Variants in ADGRE1 observed in about 807,000 individuals in gnomAD.
ADGRE1 encodes the protein EGF-like module receptor 1.
Under a neutral mutation model 102.7 loss-of-function variants are expected in ADGRE1, and 82 were observed. The ratio of observed to expected loss-of-function variants is 0.80; its 90% CI spans 0.67 to 0.96. The LOEUF (loss-of-function observed/expected upper bound fraction) is 0.96, where lower values mean the gene tolerates loss of function less well. Ranked by LOEUF, ADGRE1 falls within the 40% of genes least tolerant of loss-of-function variation. The probability of loss-of-function intolerance (pLI) is 0.00; values close to 1 mark genes in which losing one functional copy is unlikely to be tolerated. For missense variants in ADGRE1, 1,032 were observed against 1,085.3 expected (o/e 0.95, Z 0.69); for synonymous variants, 398 against 399.6 (o/e 1.00, Z 0.05).
Position 6,926,398 on chromosome 19 carries a change from C to T in ADGRE1, c.2019C>T (p.His673=). The T allele has an allele frequency of 6.2e-7, 1 of 1,614,224 alleles. No individual in the cohort carries two copies. The highest frequency in any genetic ancestry group is 8.5e-7 in the Non-Finnish European group (1 of 1,180,050). The part of the protein sequence containing the change: ...MGCAIIAGFL[H]YLFLACFFWM... Reference sequence around the variant, plus strand: ...GCGCCATCATCGCGGGCTTCCTGCACTACCTTTTCCTTGCCTGCTTCTTCT... The same window carrying T: ...GCGCCATCATCGCGGGCTTCCTGCATTACCTTTTCCTTGCCTGCTTCTTCT... Residue 673 remains histidine (H), a synonymous_variant, in exon 16 of 21, where the codon CAC becomes CAT. Transcript: ENST00000312053.
At chr19:6,929,885 T>G (rs763025048) in intron 17 of ADGRE1, among the ~76,000 whole-genome samples, 62 of 152,246 alleles carry the variant, frequency 4.1e-4, no homozygotes, top group Middle Eastern at 6.8e-3. Flanking sequence ...CCTCAGTTAA[T>G]CCACCTGCCT....
chr19:6,921,882 C>T lies in ADGRE1; in HGVS notation c.1790C>T (p.Thr597Met), dbSNP rs538868914. The part of the protein sequence containing the change: ...LAVIMASGEL[T>M]MDFSLYIISH... Reference sequence around the variant, plus strand: ...GTTATCATGGCGTCTGGGGAGCTCACGGTCAGTACTGATGATTTGTTCCCT... The same window carrying T: ...GTTATCATGGCGTCTGGGGAGCTCATGGTCAGTACTGATGATTTGTTCCCT... The change falls in exon 14 of 21, where the codon ACG (threonine) becomes ATG (methionine). Residue 597 changes from threonine (T) to methionine (M), a missense_variant and splice_region_variant. By Grantham distance (81) the Thr-to-Met change is moderately conservative. Transcript: ENST00000312053. 4.9e-5 allele frequency: 79 copies of T among 1,610,884 alleles called. No homozygotes were observed. In the South Asian group the frequency reaches 6.8e-4, roughly 14 times the overall value.
chr19:6,902,053 C>T (rs766674508), intron 6 of ADGRE1, 32 bp downstream of exon 6: 1 of 1,612,170 alleles, frequency 6.2e-7, no homozygotes, highest in Non-Finnish European at 8.5e-7. Context: ...GAAGTCAGGT[C>T]CAAGTCTGTT....
At chr19:6,903,049 C>T (rs542657052) in intron 6 of ADGRE1, among the ~76,000 whole-genome samples, 10 of 152,264 alleles carry the variant, frequency 6.6e-5, no homozygotes, top group Non-Finnish European at 1.3e-4. Context: ...GTAAGTGTTA[C>T]AGCTCCTGCA....
chr19:6,922,003 C>T (rs34406206), intron 14 of ADGRE1, 120 bp downstream of exon 14: 233,512 of 1,207,890 alleles, frequency 0.19, 23,179 homozygotes, highest in Middle Eastern at 0.25. Flanking sequence ...GATGGAGTCA[C>T]GGGGACAGAA....
At chr19:6,898,595 A>T in intron 5 of ADGRE1, 1 of 1,476,252 alleles carries the variant, frequency 6.8e-7, no homozygotes, top group Non-Finnish European at 9.4e-7. Flanking sequence ...AATATCAGTG[A>T]GTCCCTCACC....
chr19:6,911,844 CACACACATTT>C (rs1388277962), intron 10 of ADGRE1, among the ~76,000 whole-genome samples: 1 of 150,812 alleles, frequency 6.6e-6, no homozygotes, highest in Non-Finnish European at 1.5e-5. Flanking sequence ...ACACACACCC[CACACACATTT>C]ACACACATAC....
chr19:6,922,216 GC>G, intron 14 of ADGRE1, among the ~76,000 whole-genome samples: 1 of 152,280 alleles, frequency 6.6e-6, no homozygotes, highest in East Asian at 1.9e-4. Flanking sequence ...GGGTAAAGTG[GC>G]CCGTCTAGTC....
intron 5 of ADGRE1, among the ~76,000 whole-genome samples, chr19:6,899,966 T>G (rs1033959014): frequency 8.0e-5 from 12 of 150,674 alleles, no homozygotes; most frequent in African/African-American, 2.4e-4. Flanking sequence ...TGGTGGCACG[T>G]GCCTGTAATC....
At chr19:6,905,172 G>A (rs7247202) in intron 8 of ADGRE1, among the ~76,000 whole-genome samples, 3,602 of 152,010 alleles carry the variant, frequency 0.024, 138 homozygotes, top group African/African-American at 0.081. Flanking sequence ...GCAAGACTCC[G>A]TCTCCACAAA....
intron 17 of ADGRE1, among the ~76,000 whole-genome samples, chr19:6,929,916 A>G (rs1159130967): frequency 2.0e-5 from 3 of 152,102 alleles, no homozygotes; most frequent in Non-Finnish European, 4.4e-5. Flanking sequence ...AAGTGCTGGG[A>G]TTTCAAGCGT....
chr19:6,934,954 C>T, intron 17 of ADGRE1, 33 bp from the exon 18 acceptor site: 1 of 1,475,834 alleles, frequency 6.8e-7, no homozygotes, highest in Non-Finnish European at 9.2e-7. Context: ...ATTTGTATAT[C>T]CAGTCTCTCC....
intron 10 of ADGRE1, among the ~76,000 whole-genome samples, chr19:6,911,427 G>T (rs1599735831): frequency 8.4e-6 from 1 of 118,652 alleles, no homozygotes; most frequent in Non-Finnish European, 1.7e-5. Flanking sequence ...AGTCACATGT[G>T]ATAGTCAATT....
intron 10 of ADGRE1, among the ~76,000 whole-genome samples, chr19:6,912,610 T>C (rs2144948110): frequency 6.6e-6 from 1 of 152,368 alleles, no homozygotes; most frequent in Middle Eastern, 3.4e-3. Context: ...TGATACTCTG[T>C]AATTTGCTTT....
At chr19:6,915,734 A>T (rs1051107485) in intron 11 of ADGRE1, among the ~76,000 whole-genome samples, 1 of 152,040 alleles carries the variant, frequency 6.6e-6, no homozygotes, top group Non-Finnish European at 1.5e-5. Flanking sequence ...ATCCTGGCTA[A>T]CACAGTGAAA....
chr19:6,920,799 C>T (rs1363985378), intron 13 of ADGRE1, among the ~76,000 whole-genome samples: 2 of 152,116 alleles, frequency 1.3e-5, no homozygotes, highest in Admixed American at 1.3e-4. Context: ...CATGAGCCAC[C>T]GTGCCCACCC....
chr19:6,913,623 G>A, intron 10 of ADGRE1, 30 bp from the exon 11 acceptor site: 1 of 1,538,868 alleles, frequency 6.5e-7, no homozygotes, highest in Non-Finnish European at 8.8e-7. Flanking sequence ...GAGAGAGAGA[G>A]AGAATGAACA....
intron 17 of ADGRE1, among the ~76,000 whole-genome samples, chr19:6,931,181 T>C (rs946420117): frequency 6.6e-6 from 1 of 151,710 alleles, no homozygotes; most frequent in African/African-American, 2.4e-5. Flanking sequence ...ACTGAGAACA[T>C]GTGAAATGTG....
chr19:6,905,790 G>A (rs1445978361), intron 8 of ADGRE1, among the ~76,000 whole-genome samples: 1 of 152,080 alleles, frequency 6.6e-6, no homozygotes, highest in Non-Finnish European at 1.5e-5. Flanking sequence ...AGGCAATGAA[G>A]TATAACAAGC....
Sources: allele counts gnomAD v4.1 joint callset (sites outside exome capture counted in the v4.1 genomes callset), GRCh38; gene constraint gnomAD v4.1.1; transcripts MANE v1.5; gene names NCBI Gene and HGNC (gene_info 2026-07-23, HGNC 2026-07-21).